Variants in SLC25A48 observed in about 807,000 individuals in gnomAD.
The protein encoded by SLC25A48 is CTC-321K16.1.
SLC25A48 carries 29 observed loss-of-function variants against 32.2 expected under a neutral mutation model. That is an observed-to-expected ratio of 0.90 (90% confidence interval 0.67 to 1.23). SLC25A48 has a LOEUF of 1.23. SLC25A48 is among the 50% of genes most tolerant of loss of function. The probability of loss-of-function intolerance (pLI) is 0.00; values close to 1 mark genes in which losing one functional copy is unlikely to be tolerated. For synonymous variants in SLC25A48, 164 were observed against 172.3 expected, an observed-to-expected ratio of 0.95 and a Z score of 0.38; for missense variants, 399 against 422.7, an observed-to-expected ratio of 0.94 and a Z score of 0.49.
In SLC25A48 at chr5:135,837,325, T is replaced by C. The variant is rs531082233; in HGVS notation, c.46+2432T>C. Among the ~76,000 whole-genome samples, 11 of 152,244 alleles carry C rather than the reference T, an allele frequency of 7.2e-5. No homozygotes were observed. The South Asian group carries it at 2.3e-3, about 32-fold the overall frequency. ...AGGTGGTTCTGGACCCAGGGAATCA[T>C]TGTTCTGGGATTAGCTGGTTTCTTT... On this transcript the variant is annotated intron_variant, in intron 1 of 7. Coordinates refer to ENST00000681962, the MANE Select transcript of SLC25A48 (RefSeq NM_001349336.2).
intron 3 of SLC25A48, among the ~76,000 whole-genome samples, chr5:135,768,336 C>G (rs1050351982): frequency 7.3e-5 from 11 of 150,418 alleles, no homozygotes; most frequent in African/African-American, 1.7e-4. Context: ...CAATTTCCAG[C>G]GAGTGTACAC....
At chr5:135,665,061 T>G (rs1753488835) in intron 3 of SLC25A48, among the ~76,000 whole-genome samples, 2 of 152,218 alleles carry the variant, frequency 1.3e-5, no homozygotes, top group South Asian at 2.1e-4. Flanking sequence ...ATCATTTCCT[T>G]TTTACCACAT....
chr5:135,755,698 T>C (rs995916850), intron 3 of SLC25A48, among the ~76,000 whole-genome samples: 1 of 152,044 alleles, frequency 6.6e-6, no homozygotes, highest in Non-Finnish European at 1.5e-5. Context: ...CTGTGGTATT[T>C]CTTATATCTA....
chr5:135,679,557 G>A (rs1477831443), intron 3 of SLC25A48, among the ~76,000 whole-genome samples: 3 of 152,226 alleles, frequency 2.0e-5, no homozygotes, highest in African/African-American at 7.2e-5. Flanking sequence ...GGCTGTGTCA[G>A]CCTGCATTGG....
intron 1 of SLC25A48, among the ~76,000 whole-genome samples, chr5:135,838,577 C>T (rs1212129362): frequency 6.6e-6 from 1 of 152,202 alleles, no homozygotes; most frequent in Non-Finnish European, 1.5e-5. Context: ...AAAATGGTTT[C>T]CTGGGCTGGG....
intron 1 of SLC25A48, among the ~76,000 whole-genome samples, chr5:135,610,253 C>T (rs1752035710): frequency 6.6e-6 from 1 of 152,162 alleles, no homozygotes; most frequent in Non-Finnish European, 1.5e-5. Context: ...GGGTGCCCAT[C>T]TCCCCTCTCT....
intron 3 of SLC25A48, among the ~76,000 whole-genome samples, chr5:135,645,016 C>CCCCATTCTAAAACAGA (rs1752927016): frequency 6.6e-6 from 1 of 151,960 alleles, no homozygotes; most frequent in Non-Finnish European, 1.5e-5. Context: ...TCTCCTGCTC[C>CCCCATTCTAAAACAGA]ATCTGTCCCC....
intron 3 of SLC25A48, among the ~76,000 whole-genome samples, chr5:135,669,766 G>C (rs1398719271): frequency 6.6e-6 from 1 of 152,204 alleles, no homozygotes; most frequent in Non-Finnish European, 1.5e-5. Flanking sequence ...AGAGGTGAGT[G>C]CACTGTTCTA....
intron 1 of SLC25A48, among the ~76,000 whole-genome samples, chr5:135,835,754 A>G (rs146053320): frequency 6.6e-6 from 1 of 151,348 alleles, no homozygotes; most frequent in African/African-American, 2.4e-5. Flanking sequence ...GGATGTTGGC[A>G]AATGTAGCCC....
chr5:135,699,528 G>A (rs1263270927), intron 3 of SLC25A48, among the ~76,000 whole-genome samples: 2 of 152,218 alleles, frequency 1.3e-5, no homozygotes, highest in African/African-American at 2.4e-5. Context: ...CTGGGAGCAA[G>A]GAGGCAGAGC....
At position 135,696,756 on chromosome 5, in the gene SLC25A48, T is replaced by A. The variant is rs1353536773; in HGVS notation, c.-521+61800T>A. Among the ~76,000 whole-genome samples the A allele has an allele frequency of 2.0e-5, 3 of 152,198 alleles. No homozygotes were observed. The South Asian group carries it at 6.2e-4, about 32-fold the overall frequency. ...TACACCTGCGGGAGGCCTCCAGGTA[T>A]GCTCAGGGCTAGCCTGGGTCTTCCA... On this transcript the variant is annotated intron_variant, in intron 3 of 10. Coordinates refer to the SLC25A48 transcript ENST00000646290.
chr5:135,730,188 A>C (rs942712343), intron 3 of SLC25A48, among the ~76,000 whole-genome samples: 1 of 151,944 alleles, frequency 6.6e-6, no homozygotes, highest in Non-Finnish European at 1.5e-5. Context: ...CCTATAACAA[A>C]CCTCTGCTGT....
chr5:135,729,081 C>A (rs1173419767), intron 3 of SLC25A48, among the ~76,000 whole-genome samples: 2 of 151,900 alleles, frequency 1.3e-5, no homozygotes, highest in East Asian at 3.9e-4. Context: ...TTCCCCATAC[C>A]CCTTCCATGT....
intron 1 of SLC25A48, among the ~76,000 whole-genome samples, chr5:135,590,260 C>T (rs1751486868): frequency 6.6e-6 from 1 of 152,200 alleles, no homozygotes; most frequent in Non-Finnish European, 1.5e-5. Flanking sequence ...AACTGGACCT[C>T]CCTCCTCTCC....
At chr5:135,720,107 TC>T (rs1469378565) in intron 3 of SLC25A48, among the ~76,000 whole-genome samples, 1 of 152,232 alleles carries the variant, frequency 6.6e-6, no homozygotes, top group African/African-American at 2.4e-5. Flanking sequence ...ACGCAGTAGC[TC>T]AAAGTCACTC....
At chr5:135,708,676 C>T (rs11740471) in intron 3 of SLC25A48, among the ~76,000 whole-genome samples, 59,894 of 152,072 alleles carry the variant, frequency 0.39, 13,041 homozygotes, top group Non-Finnish European at 0.49. Context: ...TGCCCAGAGA[C>T]TGGGGTAAGG....
upstream of SLC25A48, among the ~76,000 whole-genome samples, chr5:135,830,382 CA>C (rs1404182435): frequency 2.6e-5 from 4 of 152,110 alleles, no homozygotes; most frequent in Non-Finnish European, 4.4e-5. Context: ...CCTTACCTTC[CA>C]AAAAATAGAG....
intron 1 of SLC25A48, among the ~76,000 whole-genome samples, chr5:135,836,358 C>CT (rs10710326): frequency 0.13 from 19,453 of 145,558 alleles, 1,646 homozygotes; most frequent in Non-Finnish European, 0.2. Flanking sequence ...AATAACATGG[C>CT]TTTTTTTTTT....
chr5:135,883,478 C>T, intron 7 of SLC25A48: 1 of 985,486 alleles, frequency 1.0e-6, no homozygotes, highest in Non-Finnish European at 1.2e-6. Context: ...TCAGATGCCT[C>T]TGCCTAGCTT....
Sources: gnomAD v4.1 joint callset for allele counts (sites outside exome capture counted in the v4.1 genomes callset) on GRCh38, gnomAD v4.1.1 for gene constraint, MANE v1.5 for transcripts, NCBI Gene and HGNC (gene_info 2026-07-23, HGNC 2026-07-21) for gene names.